The following TTL variants were observed in gnomAD, a reference collection of about 807,000 sequenced individuals.
TTL encodes the protein tubulin--tyrosine ligase.
Under a neutral mutation model 41.1 loss-of-function variants are expected in TTL, and 10 were observed. The ratio of observed to expected loss-of-function variants is 0.24; its 90% CI spans 0.15 to 0.41. TTL has a LOEUF of 0.41. TTL is among the 10% of genes least tolerant of loss of function. The pLI is 1.00. For missense variants in TTL, 367 were observed against 460.4 expected (o/e 0.80, Z 1.86); for synonymous variants, 175 against 175.5 (o/e 1.00, Z 0.02).
chr2:112,491,622 T>C (rs1315813992), intron 2 of TTL, among the ~76,000 whole-genome samples: 1 of 152,238 alleles, frequency 6.6e-6, no homozygotes, highest in Non-Finnish European at 1.5e-5. Flanking sequence ...CAAGCCATTT[T>C]ATAGTTGCCC....
intron 6 of TTL, among the ~76,000 whole-genome samples, chr2:112,526,993 G>T (rs13414068): frequency 2.6e-5 from 4 of 152,152 alleles, no homozygotes; most frequent in African/African-American, 9.7e-5. Flanking sequence ...TTGTGGCTTT[G>T]TTCTCATTGG....
chr2:112,520,406 G>A lies in TTL; in HGVS notation c.1000G>A (p.Gly334Ser), dbSNP rs2104473543. 2 of 1,613,942 alleles carry A rather than the reference G, an allele frequency of 1.2e-6. No individual in the cohort carries two copies. The highest frequency in any genetic ancestry group is 1.7e-6 in the Non-Finnish European group (2 of 1,180,024). The change falls in exon 6 of 7, where the codon GGT becomes AGT. Residue 334 changes from glycine to serine, a missense_variant. Coordinates refer to ENST00000233336, the MANE Select transcript of TTL (RefSeq NM_153712.5). ...ELKVWLIEVN[G>S]APACAQKLYA... ...GAAGGTGTGGCTCATTGAGGTCAAC[G>A]GTGCCCCTGCATGTGCTCAGTAAGC...
intron 5 of TTL, among the ~76,000 whole-genome samples, chr2:112,510,542 G>A (rs1229247755): frequency 6.6e-6 from 1 of 151,954 alleles, no homozygotes. Context: ...CACGATCTCG[G>A]CTCACTGCAA....
At chr2:112,512,228 A>C (rs1681940168) in intron 5 of TTL, among the ~76,000 whole-genome samples, 1 of 151,060 alleles carries the variant, frequency 6.6e-6, no homozygotes, top group South Asian at 2.1e-4. Flanking sequence ...AGTAGCTGGG[A>C]TTACAGGCAT....
In TTL at chr2:112,539,230, T is replaced by A. The variant is rs62158580; in HGVS notation, c.*10435T>A. ...CCTATTGGATACTGTGCTCGCTACC[T>A]GGGTGACAGGTTCAACCATACCCCA... On this transcript the variant is annotated 3_prime_UTR_variant, in exon 7 of 7. Coordinates refer to ENST00000233336, the MANE Select transcript of TTL (RefSeq NM_153712.5). 8,594 of 151,858 alleles carry A rather than the reference T, an allele frequency of 0.057. 532 individuals carry two copies. The highest frequency in any genetic ancestry group is 0.31 in the East Asian group (1,577 of 5,158). The allele number at this position is 151,858 out of a possible 1,614,324, so 9.4% of individuals were successfully genotyped here. A position where few individuals can be genotyped will look rare whatever the true frequency, so the allele number is the denominator to read the frequency against.
chr2:112,538,278 T>G lies in TTL; in HGVS notation c.*9483T>G, dbSNP rs1041940982. 1.2e-4 allele frequency: 18 copies of G among 152,168 alleles called. No individual in the cohort carries two copies. The highest frequency in any genetic ancestry group is 4.1e-4 in the African/African-American group (17 of 41,416). 9.4% of individuals were successfully genotyped at this position (152,168 alleles called of 1,614,324 possible). On this transcript the variant is annotated 3_prime_UTR_variant, in exon 7 of 7. Transcript: ENST00000233336. ...TGTCCTCAACTTTATGAGGTCACTC[T>G]TAATACCCTGATACCAAAACCAGAC... is the stretch of plus-strand genomic sequence containing the variant.
chr2:112,532,138 A>G lies in TTL; in HGVS notation c.*3343A>G, dbSNP rs1433213094. 2 of 226,898 alleles carry G rather than the reference A, an allele frequency of 8.8e-6. No individual in the cohort carries two copies. Among genetic ancestry groups the G allele is most frequent in the East Asian group, 1.3e-4 (2 of 15,724 alleles). The allele number at this position is 226,898 out of a possible 1,614,324, so 14.1% of individuals were successfully genotyped here. On this transcript the variant is annotated 3_prime_UTR_variant, in exon 7 of 7. Transcript: ENST00000233336. Reference sequence around the variant, plus strand: ...GAAATGTACTGTGATCGAAGTGACAAAGTGTGTTTTCATTCACAGTGGAGG... The same window carrying G: ...GAAATGTACTGTGATCGAAGTGACAGAGTGTGTTTTCATTCACAGTGGAGG...
intron 2 of TTL, among the ~76,000 whole-genome samples, chr2:112,489,458 A>G (rs146289441): frequency 3.3e-5 from 5 of 152,350 alleles, no homozygotes; most frequent in African/African-American, 4.8e-5. Flanking sequence ...TGATTTGACT[A>G]TGAAGCAAAA....
intron 1 of TTL, among the ~76,000 whole-genome samples, chr2:112,484,319 A>G (rs560661777): frequency 5.3e-5 from 8 of 149,694 alleles, no homozygotes; most frequent in South Asian, 4.2e-4. Flanking sequence ...GCTGGAGTGC[A>G]GTGGTGCAAT....
intron 3 of TTL, among the ~76,000 whole-genome samples, chr2:112,495,230 T>G (rs947465331): frequency 4.6e-5 from 7 of 152,166 alleles, no homozygotes; most frequent in African/African-American, 1.7e-4. Context: ...GGGAAGGCTT[T>G]TCTAATCTAA....
At chr2:112,501,653 A>G (rs1335119124) in intron 4 of TTL, among the ~76,000 whole-genome samples, 2 of 152,136 alleles carry the variant, frequency 1.3e-5, no homozygotes, top group Non-Finnish European at 2.9e-5. Flanking sequence ...GGATCACCTG[A>G]GGTCAGGAGT....
At chr2:112,520,130 C>CA (rs34238996) in intron 5 of TTL, 152 bp from the exon 6 acceptor site, 43,641 of 501,694 alleles carry the variant, frequency 0.087, 41 homozygotes, top group Non-Finnish European at 0.092. Context: ...AACTCCGTCT[C>CA]AAAAAAAAAA....
Position 112,531,844 on chromosome 2 carries a change from A to G in TTL, c.*3049A>G, listed in dbSNP as rs958901837. 3 of 222,888 alleles carry G rather than the reference A, an allele frequency of 1.3e-5. No homozygotes were observed. Among genetic ancestry groups the G allele is most frequent in the Non-Finnish European group, 2.7e-5 (3 of 111,664 alleles). 13.8% of individuals were successfully genotyped at this position (222,888 alleles called of 1,614,324 possible). Reference sequence around the variant, plus strand: ...ACTCAAACATGCTTTCATTTACATAAATAGTTTATGAAGCTTTGACAACAA... The same window carrying G: ...ACTCAAACATGCTTTCATTTACATAGATAGTTTATGAAGCTTTGACAACAA... On this transcript the variant is annotated 3_prime_UTR_variant, in exon 7 of 7. Coordinates refer to ENST00000233336, the MANE Select transcript of TTL (RefSeq NM_153712.5).
intron 5 of TTL, among the ~76,000 whole-genome samples, chr2:112,509,675 G>A (rs1351914078): frequency 5.9e-5 from 9 of 152,230 alleles, no homozygotes; most frequent in South Asian, 2.1e-4. Context: ...GCTTCGGCTC[G>A]CGCACGGTGC....
At chr2:112,489,661 A>AT (rs1681329534) in intron 2 of TTL, among the ~76,000 whole-genome samples, 1 of 152,166 alleles carries the variant, frequency 6.6e-6, no homozygotes, top group Non-Finnish European at 1.5e-5. Flanking sequence ...TACAATTAAC[A>AT]TTTTTTGCAT....
chr2:112,514,210 C>T (rs1208587497), intron 5 of TTL, among the ~76,000 whole-genome samples: 4 of 152,026 alleles, frequency 2.6e-5, no homozygotes, highest in Non-Finnish European at 5.9e-5. Flanking sequence ...GCTGAAACCC[C>T]ATCTCTACCA....
At chr2:112,521,099 C>T in intron 6 of TTL, 1 of 851,082 alleles carries the variant, frequency 1.2e-6, no homozygotes, top group Non-Finnish European at 1.4e-6. Context: ...GCATCTTAGA[C>T]ATGGGGGGTC....
Position 112,529,374 on chromosome 2 carries a change from G to A in TTL, c.*579G>A. The A allele has an allele frequency of 4.3e-6, 1 of 230,380 alleles. No homozygotes were observed. Among genetic ancestry groups the A allele is most frequent in the Non-Finnish European group, 8.6e-6 (1 of 116,020 alleles). The allele number at this position is 230,380 out of a possible 1,614,324, so 14.3% of individuals were successfully genotyped here. On this transcript the variant is annotated 3_prime_UTR_variant, in exon 7 of 7. Transcript: ENST00000233336. Reference sequence around the variant, plus strand: ...TGGTCAGTCACCTGTCAGGGTTTGTGCGGGTTGGGCCCCAAAACAGCATAT... The same window carrying A: ...TGGTCAGTCACCTGTCAGGGTTTGTACGGGTTGGGCCCCAAAACAGCATAT...
At chr2:112,496,003 A>G (rs1345349125) in intron 3 of TTL, among the ~76,000 whole-genome samples, 1 of 152,076 alleles carries the variant, frequency 6.6e-6, no homozygotes, top group East Asian at 1.9e-4. Flanking sequence ...TGAAAGGGGG[A>G]GAGTTGGACT....
Sources: gnomAD v4.1 joint callset for allele counts (sites outside exome capture counted in the v4.1 genomes callset) on GRCh38, gnomAD v4.1.1 for gene constraint, MANE v1.5 for transcripts, NCBI Gene and HGNC (gene_info 2026-07-23, HGNC 2026-07-21) for gene names.